Variants in POTEF observed in about 807,000 individuals in gnomAD.
POTEF encodes ANKRD26-like family C member 1B.
Under a neutral mutation model 83.2 loss-of-function variants are expected in POTEF, and 20 were observed. The observed-to-expected ratio is 0.24, with a 90% CI of 0.17 to 0.35. The LOEUF is 0.35. Ranked by LOEUF, POTEF falls within the 10% of genes least tolerant of loss-of-function variation. The pLI is 1.00. For synonymous variants in POTEF, 196 were observed against 446.4 expected (o/e 0.44, Z 7.07); for missense variants, 550 against 1,203.2 (o/e 0.46, Z 8.03).
intron 12 of POTEF, among the ~76,000 whole-genome samples, chr2:130,092,199 TA>T (rs1369725304): frequency 2.3e-5 from 1 of 42,880 alleles, no homozygotes; most frequent in African/African-American, 9.4e-5. Context: ...ACAATGATAA[TA>T]ATAACAAGCT....
intron 15 of POTEF, among the ~76,000 whole-genome samples, chr2:130,077,636 AT>A: frequency 9.1e-6 from 1 of 109,892 alleles, no homozygotes; most frequent in Non-Finnish European, 1.9e-5. Context: ...AACAACCTAT[AT>A]CCCCCTGCAT....
chr2:130,125,622 A>G (rs1685074328), intron 2 of POTEF, among the ~76,000 whole-genome samples: 1 of 151,746 alleles, frequency 6.6e-6, no homozygotes. Context: ...AAGTTAATAA[A>G]GCCTTGTTTT....
intron 2 of POTEF, among the ~76,000 whole-genome samples, chr2:130,124,001 T>C (rs1412461034): frequency 1.3e-5 from 1 of 77,208 alleles, no homozygotes; most frequent in African/African-American, 6.7e-5. Context: ...CCTTCCAGCA[T>C]AGCTAGGAGA....
rs575231085 is a variant in POTEF, at chr2:130,073,626, A to G, written c.*618T>C. 6.6e-6 allele frequency among the ~76,000 whole-genome samples: 1 copy of G among 151,400 alleles called. No individual in the cohort carries two copies. Among genetic ancestry groups the G allele is most frequent in the Admixed American group, 6.6e-5 (1 of 15,160 alleles). ...GTCAACATGCTAAGCTGTCCACTGT[A>G]CTGAAATACTGTGCTTCCTCAATTT... is the stretch of plus-strand genomic sequence containing the variant. On this transcript the variant is annotated 3_prime_UTR_variant, in exon 17 of 17. Transcript: ENST00000409914.
At chr2:130,128,555 C>T (rs1485510951) in intron 1 of POTEF, among the ~76,000 whole-genome samples, 3 of 140,372 alleles carry the variant, frequency 2.1e-5, no homozygotes, top group African/African-American at 5.3e-5. Flanking sequence ...AATACCCCCC[C>T]CAACCACCCC....
intron 5 of POTEF, among the ~76,000 whole-genome samples, 196 bp downstream of exon 5, chr2:130,114,685 A>G (rs992759702): frequency 3.0e-4 from 46 of 152,012 alleles, no homozygotes; most frequent in Middle Eastern, 3.4e-3. Context: ...GTGCATTAAA[A>G]AAAAAAACTG....
chr2:130,121,927 T>C (rs1685010930), intron 2 of POTEF, among the ~76,000 whole-genome samples: 1 of 148,086 alleles, frequency 6.8e-6, no homozygotes, highest in African/African-American at 2.5e-5. Flanking sequence ...AAAGAAACTT[T>C]GCACCCATTA....
At chr2:130,107,718 A>G in intron 8 of POTEF, 1 of 393,424 alleles carries the variant, frequency 2.5e-6, no homozygotes, top group Non-Finnish European at 4.7e-6. Flanking sequence ...CTAATGCCTG[A>G]TGATCTGTCA....
intron 15 of POTEF, among the ~76,000 whole-genome samples, chr2:130,078,429 A>C (rs1172249520): frequency 2.4e-5 from 2 of 84,700 alleles, no homozygotes; most frequent in African/African-American, 4.5e-5. Context: ...TAACTGGAAA[A>C]CACCACCAAA....
rs763491163 is a variant in POTEF, at chr2:130,114,296, A to AAC, written c.810+583_810+584dup. ...AAACAAATCAGTCAACAACAACAAC[A>AAC]ACACACACACACACAACCTCTTCAT... On this transcript the variant is annotated intron_variant, in intron 5 of 16. Transcript: ENST00000409914. Among the ~76,000 whole-genome samples the AAC allele has an allele frequency of 4.3e-4, 65 of 151,736 alleles. 2 individuals are homozygous for AAC. The highest frequency in any genetic ancestry group is 9.2e-4 in the Admixed American group (14 of 15,218).
chr2:130,123,190 A>ATTTTCC (rs1685032397), intron 2 of POTEF, among the ~76,000 whole-genome samples: 1 of 141,556 alleles, frequency 7.1e-6, no homozygotes, highest in Non-Finnish European at 1.5e-5. Context: ...TTTTTCTACA[A>ATTTTCC]AACAATTTCA....
intron 7 of POTEF, chr2:130,109,704 G>GC (rs1305963629): frequency 6.6e-6 from 1 of 150,520 alleles, no homozygotes; most frequent in East Asian, 2.0e-4. Flanking sequence ...CCTAACATCT[G>GC]CCAGAGAAAA....
chr2:130,114,773 A>C, intron 5 of POTEF, 108 bp downstream of exon 5: 2 of 1,491,156 alleles, frequency 1.3e-6, no homozygotes, highest in South Asian at 2.6e-5. Flanking sequence ...AAATATTTCC[A>C]TTCAGGTTAT....
intron 2 of POTEF, among the ~76,000 whole-genome samples, chr2:130,121,444 C>G (rs1370481036): frequency 9.0e-6 from 1 of 111,290 alleles, no homozygotes; most frequent in Admixed American, 9.5e-5. Context: ...GCTGGGAGCT[C>G]GGGCTGACGG....
In POTEF at chr2:130,118,008, T is replaced by C. The variant is rs1463020193; in HGVS notation, c.521+1987A>G. 3.3e-5 allele frequency among the ~76,000 whole-genome samples: 5 copies of C among 151,466 alleles called. No homozygotes were observed. In the East Asian group the frequency reaches 9.8e-4, roughly 30 times the overall value. ...CAGGCTGGAATGTAGTGGCGCGATC[T>C]CGGCTCACTGCAACCTCCACCTCCC... is the stretch of plus-strand genomic sequence containing the variant. On this transcript the variant is annotated intron_variant, in intron 3 of 16. Coordinates refer to ENST00000409914, the MANE Select transcript of POTEF (RefSeq NM_001099771.2).
intron 8 of POTEF, among the ~76,000 whole-genome samples, chr2:130,105,051 ATAC>A (rs1684481458): frequency 6.7e-6 from 1 of 149,458 alleles, no homozygotes; most frequent in Admixed American, 6.7e-5. Flanking sequence ...TCCAGGTTAA[ATAC>A]TACTGTACAA....
rs761036472 is a variant in POTEF at position 130,075,194 on chromosome 2, T to C, written c.2278A>G (p.Ser760Gly). Reference protein sequence around the residue: ...KESYVGKEAQSKRGILTLKYP... With the variant: ...KESYVGKEAQGKRGILTLKYP... ...TTCAGGGTCAGGATGCCTCTTTTGC[T>C]CTGGGCCTCCTTGCCCACATAGGAC... The change falls in exon 17 of 17, where the codon AGC (serine) becomes GGC (glycine). Residue 760 changes from serine (S) to glycine (G), a missense_variant. By Grantham distance (56) the Ser-to-Gly change is moderately conservative. Transcript: ENST00000409914. 1 of 1,612,756 alleles carries C rather than the reference T, an allele frequency of 6.2e-7. No homozygotes were observed. Among genetic ancestry groups the C allele is most frequent in the Non-Finnish European group, 8.5e-7 (1 of 1,179,894 alleles).
intron 5 of POTEF, among the ~76,000 whole-genome samples, chr2:130,113,254 C>A (rs1176993931): frequency 1.1e-3 from 127 of 114,734 alleles, no homozygotes; most frequent in African/African-American, 4.0e-3. Context: ...GGTTGGAGGA[C>A]CATCTGAGCT....
At chr2:130,120,740 C>A in intron 2 of POTEF, 132 bp from the exon 3 acceptor site, 1 of 871,624 alleles carries the variant, frequency 1.1e-6, no homozygotes. Context: ...GGCGACCCCA[C>A]GCCCACCCCA....
Sources: gnomAD v4.1 joint callset for allele counts (sites outside exome capture counted in the v4.1 genomes callset) on GRCh38, gnomAD v4.1.1 for gene constraint, MANE v1.5 for transcripts, NCBI Gene and HGNC (gene_info 2026-07-23, HGNC 2026-07-21) for gene names.